CACNA2D1: variants seen among roughly 807,000 people sequenced by gnomAD.
The protein encoded by CACNA2D1 is calcium voltage-gated channel auxiliary subunit alpha2delta 1, also known as voltage-dependent calcium channel subunit alpha-2/delta-1.
CACNA2D1 carries 53 observed loss-of-function variants against 171.5 expected under a neutral mutation model. The ratio of observed to expected loss-of-function variants is 0.31; its 90% CI spans 0.25 to 0.39. The LOEUF (loss-of-function observed/expected upper bound fraction) is 0.39. Among genes scored for constraint, CACNA2D1 ranks in the 10% least tolerant of loss-of-function variants. The pLI is 1.00. For missense variants in CACNA2D1, 903 were observed against 1,299.8 expected (o/e 0.69, Z 4.69); for synonymous variants, 442 against 443.1 (o/e 1.00, Z 0.03).
chr7:82,060,190 T>TATATATAATA (rs1491114373), intron 10 of CACNA2D1, among the ~76,000 whole-genome samples: 7 of 13,128 alleles, frequency 5.3e-4, no homozygotes, highest in African/African-American at 1.0e-3. Context: ...TATATATATA[T>TATATATAATA]TATATATATA....
At chr7:82,435,924 C>G (rs10215394) in intron 1 of CACNA2D1, among the ~76,000 whole-genome samples, 96,487 of 151,982 alleles carry the variant, frequency 0.63, 32,018 homozygotes, top group African/African-American at 0.82. Flanking sequence ...AACATCACTT[C>G]CAATTGACAA....
chr7:82,368,694 T>C (rs529059881), intron 1 of CACNA2D1, among the ~76,000 whole-genome samples: 11 of 152,314 alleles, frequency 7.2e-5, no homozygotes, highest in African/African-American at 2.2e-4. Flanking sequence ...TAGGAACTTG[T>C]TATTTGTAAT....
At chr7:82,339,187 T>G (rs887193070) in intron 2 of CACNA2D1, among the ~76,000 whole-genome samples, 4 of 152,344 alleles carry the variant, frequency 2.6e-5, no homozygotes, top group African/African-American at 9.6e-5. Context: ...AAGGCTGTTT[T>G]GATCTGAAAG....
chr7:82,084,665 G>A, intron 7 of CACNA2D1, 104 bp downstream of exon 7: 1 of 1,256,182 alleles, frequency 8.0e-7, no homozygotes, highest in East Asian at 2.3e-5. Context: ...TAAAAGTAGT[G>A]TGATATAGTC....
At chr7:82,277,986 A>C (rs1809579495) in intron 3 of CACNA2D1, among the ~76,000 whole-genome samples, 1 of 151,964 alleles carries the variant, frequency 6.6e-6, no homozygotes, top group African/African-American at 2.4e-5. Flanking sequence ...ACCTCAAGTG[A>C]TCCAGCCACC....
At chr7:82,258,204 A>G (rs1015871635) in intron 3 of CACNA2D1, among the ~76,000 whole-genome samples, 2 of 152,172 alleles carry the variant, frequency 1.3e-5, no homozygotes, top group African/African-American at 4.8e-5. Context: ...AATACTATCC[A>G]TTCTAAACAG....
In CACNA2D1 at chr7:81,986,304, G is replaced by C. The variant is rs151120067; in HGVS notation, c.1797-1593C>G. On this transcript the variant is annotated intron_variant, in intron 21 of 38. Transcript: ENST00000356860. ...TAGCTCAAATTTTAGTAATGTGCAGGAAAAGGTGTGTATATCTATGCTTTT... is the reference window on the plus strand; with the variant it reads ...TAGCTCAAATTTTAGTAATGTGCAGCAAAAGGTGTGTATATCTATGCTTTT... Among the ~76,000 whole-genome samples the C allele has an allele frequency of 3.3e-3, 503 of 152,214 alleles. 2 individuals are homozygous for C. Among genetic ancestry groups the C allele is most frequent in the African/African-American group, 0.012 (487 of 41,544 alleles).
chr7:82,019,736 C>A (rs1006474240), intron 12 of CACNA2D1, among the ~76,000 whole-genome samples: 1 of 152,128 alleles, frequency 6.6e-6, no homozygotes, highest in Non-Finnish European at 1.5e-5. Context: ...GTCACCTCAA[C>A]AATTATCAGT....
chr7:82,314,545 G>T (rs1255220044), intron 3 of CACNA2D1, among the ~76,000 whole-genome samples: 1 of 152,122 alleles, frequency 6.6e-6, no homozygotes, highest in African/African-American at 2.4e-5. Flanking sequence ...CATTAGTGAG[G>T]TGTGCTAACT....
At chr7:81,967,491 G>T in intron 30 of CACNA2D1, 105 bp downstream of exon 30, 1 of 685,656 alleles carries the variant, frequency 1.5e-6, no homozygotes, top group Non-Finnish European at 2.6e-6. Context: ...CTTCAGTGTA[G>T]TGGTATTGAG....
intron 6 of CACNA2D1, among the ~76,000 whole-genome samples, chr7:82,102,500 GCA>G (rs1563051299): frequency 1.3e-5 from 2 of 150,922 alleles, no homozygotes; most frequent in Admixed American, 6.6e-5. Context: ...ACACACACAC[GCA>G]CACACACATA....
intron 10 of CACNA2D1, 114 bp from the exon 11 acceptor site, chr7:82,038,349 T>C (rs1803555078): frequency 3.3e-6 from 3 of 898,186 alleles, no homozygotes; most frequent in Admixed American, 2.5e-5. Context: ...CTCTTTCAAA[T>C]GGAAAAGTGA....
chr7:82,079,739 T>C (rs929934923), intron 7 of CACNA2D1, among the ~76,000 whole-genome samples: 2 of 149,388 alleles, frequency 1.3e-5, no homozygotes, highest in Admixed American at 6.7e-5. Context: ...GAGTCTATAA[T>C]GGCGGTTACC....
chr7:81,958,997 A>G (rs550879793), intron 38 of CACNA2D1, among the ~76,000 whole-genome samples: 2 of 152,144 alleles, frequency 1.3e-5, no homozygotes, highest in Non-Finnish European at 2.9e-5. Context: ...CAACAAATAT[A>G]CCATAATTAA....
chr7:82,356,030 A>G (rs1292065709), intron 1 of CACNA2D1, among the ~76,000 whole-genome samples: 1 of 152,034 alleles, frequency 6.6e-6, no homozygotes, highest in Non-Finnish European at 1.5e-5. Flanking sequence ...GGTCCATACC[A>G]TCTTATCCCT....
chr7:82,122,884 C>A (rs1789906406), intron 5 of CACNA2D1, among the ~76,000 whole-genome samples: 1 of 151,948 alleles, frequency 6.6e-6, no homozygotes, highest in Non-Finnish European at 1.5e-5. Flanking sequence ...AAAATATTGC[C>A]AGGGCAAATG....
At chr7:82,016,733 C>G (rs952497560) in intron 12 of CACNA2D1, among the ~76,000 whole-genome samples, 30 of 151,490 alleles carry the variant, frequency 2.0e-4, no homozygotes, top group African/African-American at 7.0e-4. Context: ...TATTTGGGAT[C>G]AGGGCTGGGG....
intron 1 of CACNA2D1, among the ~76,000 whole-genome samples, chr7:82,362,669 A>G (rs554853883): frequency 1.4e-3 from 207 of 152,286 alleles, no homozygotes; most frequent in Non-Finnish European, 1.9e-3. Flanking sequence ...TCTCTTGATC[A>G]TATCAGGGAA....
chr7:82,400,270 T>C (rs1826227417), intron 1 of CACNA2D1, among the ~76,000 whole-genome samples: 1 of 151,686 alleles, frequency 6.6e-6, no homozygotes. Context: ...GGGATGGCAT[T>C]GAATCTGTAA....
Sources: allele counts gnomAD v4.1 joint callset (sites outside exome capture counted in the v4.1 genomes callset), GRCh38; gene constraint gnomAD v4.1.1; transcripts MANE v1.5; gene names NCBI Gene and HGNC (gene_info 2026-07-23, HGNC 2026-07-21).